LRRFIP1: variants seen among roughly 807,000 people sequenced by gnomAD.
The protein encoded by LRRFIP1 is LRR binding FLII interacting protein 1, also known as leucine-rich repeat flightless-interacting protein 1.
Under a neutral mutation model 104.4 loss-of-function variants are expected in LRRFIP1, and 62 were observed. That is an observed-to-expected ratio of 0.59 (90% CI 0.48 to 0.73). The LOEUF (loss-of-function observed/expected upper bound fraction) is 0.73, where lower values mean the gene tolerates loss of function less well. LRRFIP1 is among the 30% of genes least tolerant of loss of function. The pLI is 0.00. For missense variants in LRRFIP1, 796 were observed against 824.5 expected, an observed-to-expected ratio of 0.97 and a Z score of 0.42; for synonymous variants, 300 against 299.0, an observed-to-expected ratio of 1.00 and a Z score of -0.03.
At chr2:237,729,863 T>G (rs1275430954) in intron 8 of LRRFIP1, 4 of 979,040 alleles carry the variant, frequency 4.1e-6, no homozygotes, top group Non-Finnish European at 3.6e-6. Context: ...ATTTAAATCT[T>G]TCACATTCTC....
At chr2:237,692,270 G>A in intron 1 of LRRFIP1, 1 of 1,164,312 alleles carries the variant, frequency 8.6e-7, no homozygotes, top group Non-Finnish European at 1.1e-6. Context: ...GGCCGCGCCC[G>A]AGCCCAGCGC....
intron 11 of LRRFIP1, 21 bp downstream of exon 11, chr2:237,739,330 T>C: frequency 9.7e-6 from 15 of 1,546,328 alleles, no homozygotes; most frequent in Non-Finnish European, 1.2e-5. Flanking sequence ...CTCCTGGCCT[T>C]GCTCCTACTC....
At chr2:237,763,736 G>A in intron 19 of LRRFIP1, 1 of 1,614,246 alleles carries the variant, frequency 6.2e-7, no homozygotes, top group African/African-American at 1.3e-5. Flanking sequence ...AGCTGATGGA[G>A]ACACATTAGA....
chr2:237,777,340 A>G (rs2061175151), intron 23 of LRRFIP1, among the ~76,000 whole-genome samples: 1 of 152,092 alleles, frequency 6.6e-6, no homozygotes, highest in Non-Finnish European at 1.5e-5. Context: ...AGACTGTACT[A>G]GAATCATTTT....
At chr2:237,662,746 G>A (rs2088263357) in intron 1 of LRRFIP1, among the ~76,000 whole-genome samples, 1 of 152,028 alleles carries the variant, frequency 6.6e-6, no homozygotes, top group Admixed American at 6.5e-5. Flanking sequence ...TGAGGTAGGA[G>A]GCGGGACTTG....
chr2:237,773,046 A>G (rs1297534070), intron 22 of LRRFIP1, 101 bp downstream of exon 22: 8 of 895,828 alleles, frequency 8.9e-6, no homozygotes, highest in East Asian at 4.9e-5. Flanking sequence ...CGAGATTTTT[A>G]GAACCAAGAA....
chr2:237,764,510 G>A, intron 19 of LRRFIP1: 1 of 1,097,928 alleles, frequency 9.1e-7, no homozygotes, highest in Non-Finnish European at 1.1e-6. Flanking sequence ...TAATTGAAAT[G>A]ACCAAATAGC....
chr2:237,765,787 T>C, intron 19 of LRRFIP1: 1 of 962,680 alleles, frequency 1.0e-6, no homozygotes, highest in Non-Finnish European at 1.2e-6. Context: ...GTTGACATTT[T>C]ATGAAATTAT....
chr2:237,740,615 T>C (rs373075351), intron 11 of LRRFIP1, among the ~76,000 whole-genome samples: 1 of 152,166 alleles, frequency 6.6e-6, no homozygotes, highest in East Asian at 1.9e-4. Flanking sequence ...TTTCCTATTG[T>C]GGTGCTGGTG....
At chr2:237,632,229 G>A (rs2082473262) in intron 1 of LRRFIP1, among the ~76,000 whole-genome samples, 1 of 152,252 alleles carries the variant, frequency 6.6e-6, no homozygotes. Context: ...CTCCAGTTGT[G>A]GAGAAGGGGT....
chr2:237,756,489 G>T (rs2150754548), intron 16 of LRRFIP1, among the ~76,000 whole-genome samples: 1 of 152,214 alleles, frequency 6.6e-6, no homozygotes, highest in East Asian at 1.9e-4. Flanking sequence ...ATTTGATCAG[G>T]ACCCCACTCT....
intron 1 of LRRFIP1, chr2:237,692,049 G>A: frequency 3.0e-6 from 1 of 336,294 alleles, no homozygotes; most frequent in Non-Finnish European, 4.1e-6. Flanking sequence ...GCGCAGGGGG[G>A]CGGGGAAGGC....
intron 1 of LRRFIP1, among the ~76,000 whole-genome samples, chr2:237,656,300 A>C (rs898915878): frequency 2.0e-5 from 3 of 152,260 alleles, no homozygotes; most frequent in Non-Finnish European, 4.4e-5. Flanking sequence ...GAGAAAAATT[A>C]AAGAAAATGT....
chr2:237,644,994 G>A (rs2084638359), intron 1 of LRRFIP1, among the ~76,000 whole-genome samples: 2 of 152,224 alleles, frequency 1.3e-5, no homozygotes, highest in South Asian at 2.1e-4. Context: ...GGCTGAGGTG[G>A]TGTCTGCAGG....
rs1429677512 is a variant in LRRFIP1 at position 237,749,421 on chromosome 2, T to C, written c.795+97T>C. The C allele has an allele frequency of 2.1e-6, 3 of 1,431,500 alleles. No homozygotes were observed. In the African/African-American group the frequency reaches 4.3e-5, roughly 21 times the overall value. The allele number at this position is 1,431,500 out of a possible 1,614,324, so 88.7% of individuals were successfully genotyped here. ...AAAAGTTAATTCATAAAGTTCTGGA[T>C]CTTTCTTCTTGGTCCTCTCTCCCTC... On this transcript the variant is annotated intron_variant, in intron 13 of 23. Coordinates refer to ENST00000308482, the MANE Select transcript of LRRFIP1 (RefSeq NM_001137550.2).
intron 14 of LRRFIP1, 37 bp downstream of exon 14, chr2:237,751,308 C>T (rs754236540): frequency 4.1e-6 from 6 of 1,465,608 alleles, no homozygotes; most frequent in Non-Finnish European, 5.6e-6. Flanking sequence ...ACGATATTAA[C>T]CCAACTTAAC....
chr2:237,643,004 T>C (rs746942321), intron 1 of LRRFIP1, among the ~76,000 whole-genome samples: 18 of 152,186 alleles, frequency 1.2e-4, no homozygotes, highest in Non-Finnish European at 2.2e-4. Context: ...CCTCACAGAG[T>C]TCACATGAGG....
At chr2:237,768,189 TC>T (rs1410528645) in intron 19 of LRRFIP1, 7 of 152,236 alleles carry the variant, frequency 4.6e-5, no homozygotes, top group Non-Finnish European at 8.8e-5. Context: ...CATTTCTTTT[TC>T]CATTTTCTTC....
chr2:237,759,914 A>T, intron 18 of LRRFIP1, 150 bp from the exon 19 acceptor site: 1 of 634,942 alleles, frequency 1.6e-6, no homozygotes. Flanking sequence ...CCGAATATTT[A>T]CGAGTGCTGC....
Sources: gnomAD v4.1 joint callset for allele counts (sites outside exome capture counted in the v4.1 genomes callset) on GRCh38, gnomAD v4.1.1 for gene constraint, MANE v1.5 for transcripts, NCBI Gene and HGNC (gene_info 2026-07-23, HGNC 2026-07-21) for gene names.